Variants in GPC5 observed in about 807,000 individuals in gnomAD.
GPC5 encodes glypican-5.
In GPC5, 47 loss-of-function variants were observed where a neutral mutation model predicts 53.9. That is an observed-to-expected ratio of 0.87 (90% CI 0.69 to 1.11). GPC5 has a LOEUF of 1.11. GPC5 is among the 50% of genes most tolerant of loss of function. The pLI, the probability that GPC5 is intolerant of heterozygous loss-of-function variation, is 0.00. For synonymous variants in GPC5, 286 were observed against 263.3 expected, an observed-to-expected ratio of 1.09 and a Z score of -0.84; for missense variants, 748 against 713.1, an observed-to-expected ratio of 1.05 and a Z score of -0.56.
chr13:92,747,782 C>T (rs1239267368), intron 7 of GPC5, among the ~76,000 whole-genome samples: 1 of 152,144 alleles, frequency 6.6e-6, no homozygotes, highest in Non-Finnish European at 1.5e-5. Context: ...ATTGATTGGG[C>T]ATTTACTGCT....
chr13:91,436,407 A>G (rs1206274280), intron 1 of GPC5, among the ~76,000 whole-genome samples: 1 of 152,048 alleles, frequency 6.6e-6, no homozygotes. Flanking sequence ...CGTTGGTTTC[A>G]AAGAACATCT....
rs398023955 is a variant in GPC5 at position 92,257,546 on chromosome 13, A to ATTTTTTTTTTTTTTTTTTTTTTTTTT, written c.1561+112578_1561+112579insTTTTTTTTTTTTTTTTTTTTTTTTTT. On this transcript the variant is annotated intron_variant, in intron 7 of 7. Transcript: ENST00000377067. ...AGTGAGAGAGGTTTCTAATACAGGGATTTTTTTTTTTTTTTTTTTTTGGGG... is the reference window on the plus strand; with the variant it reads ...AGTGAGAGAGGTTTCTAATACAGGGATTTTTTTTTTTTTTTTTTTTTTTTTTTTTTTTTTTTTTTTTTTTTTTGGGG... Among the ~76,000 whole-genome samples the ATTTTTTTTTTTTTTTTTTTTTTTTTT allele has an allele frequency of 7.0e-4, 51 of 72,946 alleles. 14 individuals carry two copies. Among genetic ancestry groups the ATTTTTTTTTTTTTTTTTTTTTTTTTT allele is most frequent in the African/African-American group, 2.5e-3 (32 of 12,946 alleles). 47.9% of individuals were successfully genotyped at this position (72,946 alleles called of 152,430 possible). A position where few individuals can be genotyped will look rare whatever the true frequency, so the allele number is the denominator to read the frequency against.
intron 2 of GPC5, among the ~76,000 whole-genome samples, chr13:91,595,262 C>A (rs920136343): frequency 6.6e-6 from 1 of 152,026 alleles, no homozygotes; most frequent in South Asian, 2.1e-4. Flanking sequence ...GATCCACCTG[C>A]CTCGGCCTTC....
In GPC5 at chr13:91,972,876, C is replaced by A. The variant is rs1388801393; in HGVS notation, c.1401+64819C>A. ...GGCTTCCCTTTGTGGGTAACCCTAC[C>A]TTTCTCTCTGGCTGCCCTTAACATT... is the stretch of plus-strand genomic sequence containing the variant. On this transcript the variant is annotated intron_variant, in intron 6 of 7. Transcript: ENST00000377067. Among the ~76,000 whole-genome samples, 7 of 152,198 alleles carry A rather than the reference C, an allele frequency of 4.6e-5. No homozygotes were observed. In the East Asian group the frequency reaches 1.3e-3, roughly 29 times the overall value.
At chr13:92,425,619 A>G (rs1283716304) in intron 7 of GPC5, among the ~76,000 whole-genome samples, 3 of 152,048 alleles carry the variant, frequency 2.0e-5, no homozygotes, top group Non-Finnish European at 4.4e-5. Context: ...CTCCTGTTCA[A>G]CCTTTGTAAG....
At chr13:92,532,878 T>C (rs373743275) in intron 7 of GPC5, among the ~76,000 whole-genome samples, 17 of 152,290 alleles carry the variant, frequency 1.1e-4, no homozygotes, top group African/African-American at 3.8e-4. Context: ...AACAGAGTTA[T>C]AAACAGTCAA....
intron 3 of GPC5, among the ~76,000 whole-genome samples, chr13:91,712,915 G>A (rs1294137088): frequency 6.6e-6 from 1 of 152,196 alleles, no homozygotes; most frequent in Non-Finnish European, 1.5e-5. Flanking sequence ...AAGCGGCCAG[G>A]TGCGGTGGCT....
intron 7 of GPC5, among the ~76,000 whole-genome samples, chr13:92,172,856 G>A (rs1465797414): frequency 6.6e-6 from 1 of 151,626 alleles, no homozygotes; most frequent in Admixed American, 6.6e-5. Flanking sequence ...ACAATCTAAA[G>A]CAATTAAGAT....
At chr13:92,590,488 T>C (rs1250421734) in intron 7 of GPC5, among the ~76,000 whole-genome samples, 1 of 152,226 alleles carries the variant, frequency 6.6e-6, no homozygotes, top group East Asian at 1.9e-4. Flanking sequence ...GGGATGTCAT[T>C]ACTCTCTTCC....
At chr13:92,222,005 TG>T (rs1329947968) in intron 7 of GPC5, among the ~76,000 whole-genome samples, 2 of 152,218 alleles carry the variant, frequency 1.3e-5, no homozygotes, top group Non-Finnish European at 2.9e-5. Context: ...ATTTGAGTGT[TG>T]GGTGTGAATG....
At position 92,702,100 on chromosome 13, in the gene GPC5, T is replaced by G. The variant is rs187608836; in HGVS notation, c.1562-164182T>G. On this transcript the variant is annotated intron_variant, in intron 7 of 7. Coordinates refer to ENST00000377067, the MANE Select transcript of GPC5 (RefSeq NM_004466.6). ...GAGTAGCTTGCAGAATACCAAGCACTGATCCTCCTGCCTCACAGTGGCATG... is the reference window on the plus strand; with the variant it reads ...GAGTAGCTTGCAGAATACCAAGCACGGATCCTCCTGCCTCACAGTGGCATG... Among the ~76,000 whole-genome samples the G allele has an allele frequency of 2.4e-4, 36 of 152,292 alleles. 1 individual carries two copies. The East Asian group carries it at 6.6e-3, about 28-fold the overall frequency.
At position 91,867,903 on chromosome 13, in the gene GPC5, T is replaced by C. The variant is rs539407581; in HGVS notation, c.1281-40034T>C. On this transcript the variant is annotated intron_variant, in intron 5 of 7. Coordinates refer to ENST00000377067, the MANE Select transcript of GPC5 (RefSeq NM_004466.6). ...ATAAATATTGTTCATGTTGCTATAA[T>C]ATCTGTGGAAAATTCAGAATTTTCA... Among the ~76,000 whole-genome samples, 79 of 152,222 alleles carry C rather than the reference T, an allele frequency of 5.2e-4. 1 individual carries two copies. The highest frequency in any genetic ancestry group is 1.0e-3 in the Non-Finnish European group (70 of 67,986).
rs5805765 is a variant in GPC5 at position 92,822,974 on chromosome 13, G to GA, written c.1562-43297dup. On this transcript the variant is annotated intron_variant, in intron 7 of 7. Coordinates refer to ENST00000377067, the MANE Select transcript of GPC5 (RefSeq NM_004466.6). ...TAGTAAGCACTTTTTGAGAAAGTGT[G>GA]AAAAAAAAAAATCACGAGTGCCACA... Among the ~76,000 whole-genome samples, 3,882 of 145,292 alleles carry GA rather than the reference G, an allele frequency of 0.027. 371 individuals are homozygous for GA. In the East Asian group the frequency reaches 0.32, roughly 12 times the overall value.
chr13:91,799,935 T>G (rs2038107165), intron 5 of GPC5, among the ~76,000 whole-genome samples: 1 of 152,106 alleles, frequency 6.6e-6, no homozygotes, highest in African/African-American at 2.4e-5. Flanking sequence ...TATGGGAATG[T>G]TAATATTGGA....
chr13:91,562,953 G>A (rs185062890), intron 2 of GPC5, among the ~76,000 whole-genome samples: 15 of 151,952 alleles, frequency 9.9e-5, no homozygotes, highest in East Asian at 3.9e-4. Flanking sequence ...ATTGTGCATC[G>A]TAGAGAAAAA....
intron 7 of GPC5, among the ~76,000 whole-genome samples, chr13:92,846,560 G>A (rs551366385): frequency 8.5e-5 from 13 of 152,254 alleles, no homozygotes; most frequent in African/African-American, 3.1e-4. Flanking sequence ...AATAAATTGG[G>A]AATAGAATAG....
chr13:91,873,380 G>C (rs375545328), intron 5 of GPC5, among the ~76,000 whole-genome samples: 1 of 151,870 alleles, frequency 6.6e-6, no homozygotes, highest in African/African-American at 2.4e-5. Flanking sequence ...CTGTGTCCCC[G>C]CCCAAATCTC....
At chr13:92,587,304 T>C (rs1883569553) in intron 7 of GPC5, among the ~76,000 whole-genome samples, 1 of 152,194 alleles carries the variant, frequency 6.6e-6, no homozygotes. Flanking sequence ...ATAACACATA[T>C]TATGTTTTAA....
At chr13:92,272,419 A>G (rs2042846189) in intron 7 of GPC5, among the ~76,000 whole-genome samples, 1 of 152,158 alleles carries the variant, frequency 6.6e-6, no homozygotes, top group Admixed American at 6.5e-5. Flanking sequence ...CCATCTAGCA[A>G]TGTTTTGATT....
Sources: gnomAD v4.1 joint callset for allele counts (sites outside exome capture counted in the v4.1 genomes callset) on GRCh38, gnomAD v4.1.1 for gene constraint, MANE v1.5 for transcripts, NCBI Gene and HGNC (gene_info 2026-07-23, HGNC 2026-07-21) for gene names.